Variants in ARHGAP28 observed in about 807,000 individuals in gnomAD.
ARHGAP28 encodes the protein rho GTPase-activating protein 28.
Under a neutral mutation model 90.7 loss-of-function variants are expected in ARHGAP28, and 56 were observed. The ratio of observed to expected loss-of-function variants is 0.62; its 90% CI spans 0.50 to 0.77. ARHGAP28 has a LOEUF of 0.77. Ranked by LOEUF, ARHGAP28 falls within the 30% of genes least tolerant of loss-of-function variation. The pLI is 0.00. For synonymous variants in ARHGAP28, 308 were observed against 323.3 expected (o/e 0.95, Z 0.51); for missense variants, 869 against 900.9 (o/e 0.96, Z 0.45).
rs767097228 is a variant in ARHGAP28, at chr18:6,889,891, C to T, written c.1540C>T (p.Leu514Phe). ...PDANRDAAQA[L>F]MTFFNKVIAN... ...ACACAATGCTGTTTCTTCTTAGGCC[C>T]TCATGACATTCTTCAATAAAGTGAT... Residue 514 changes from leucine to phenylalanine, a missense_variant, in exon 13 of 18, where the codon CTC becomes TTC. Transcript: ENST00000383472. 2.0e-5 allele frequency: 33 copies of T among 1,613,720 alleles called. No homozygotes were observed. The highest frequency in any genetic ancestry group is 2.7e-5 in the Non-Finnish European group (32 of 1,179,978).
chr18:6,909,388 G>T (rs1457203300), intron 17 of ARHGAP28, among the ~76,000 whole-genome samples: 1 of 151,338 alleles, frequency 6.6e-6, no homozygotes, highest in Non-Finnish European at 1.5e-5. Flanking sequence ...CGCCTCCCGG[G>T]TTCAAGTGAT....
chr18:6,769,688 C>G (rs1201397078), intron 1 of ARHGAP28, among the ~76,000 whole-genome samples: 2 of 152,186 alleles, frequency 1.3e-5, no homozygotes, highest in African/African-American at 4.8e-5. Flanking sequence ...ATTTCGTGCT[C>G]TACATTCCTG....
intron 14 of ARHGAP28, among the ~76,000 whole-genome samples, chr18:6,891,982 C>T (rs556601318): frequency 3.3e-5 from 5 of 152,220 alleles, no homozygotes; most frequent in East Asian, 1.9e-4. Context: ...GGCAGTGAGG[C>T]AGGAGGGAGT....
chr18:6,735,684 C>T (rs1169123083), intron 1 of ARHGAP28, among the ~76,000 whole-genome samples: 1 of 151,902 alleles, frequency 6.6e-6, no homozygotes, highest in South Asian at 2.1e-4. Context: ...CCTCCTGAGT[C>T]GCTGAGGCTA....
At chr18:6,908,145 A>ATTTTC (rs1345545848) in intron 16 of ARHGAP28, among the ~76,000 whole-genome samples, 1 of 151,446 alleles carries the variant, frequency 6.6e-6, no homozygotes, top group Non-Finnish European at 1.5e-5. Flanking sequence ...ATTTTATTTT[A>ATTTTC]TTTTATTTTC....
chr18:6,758,739 A>G (rs1473917756), intron 1 of ARHGAP28, among the ~76,000 whole-genome samples: 1 of 152,210 alleles, frequency 6.6e-6, no homozygotes, highest in East Asian at 1.9e-4. Context: ...AGGTAGACAG[A>G]CCTGAAAATA....
intron 1 of ARHGAP28, among the ~76,000 whole-genome samples, chr18:6,784,331 A>G (rs1175403235): frequency 1.3e-5 from 2 of 152,164 alleles, no homozygotes; most frequent in African/African-American, 2.4e-5. Flanking sequence ...CAAGTGATTT[A>G]TATCCACCTA....
intron 14 of ARHGAP28, among the ~76,000 whole-genome samples, chr18:6,890,837 C>A (rs1247569192): frequency 6.6e-6 from 1 of 152,184 alleles, no homozygotes; most frequent in Non-Finnish European, 1.5e-5. Context: ...TGAAAGTCAA[C>A]ATTTTAGTCC....
intron 2 of ARHGAP28, among the ~76,000 whole-genome samples, chr18:6,827,321 A>C (rs8084368): frequency 0.72 from 100,872 of 139,470 alleles, 36,147 homozygotes; most frequent in South Asian, 0.77. Flanking sequence ...GGGGGGCTGA[A>C]CCCTCCACCT....
chr18:6,766,570 A>T (rs1428333066), intron 1 of ARHGAP28, among the ~76,000 whole-genome samples: 1 of 152,106 alleles, frequency 6.6e-6, no homozygotes, highest in South Asian at 2.1e-4. Flanking sequence ...TACAGCGCCA[A>T]TGCCAGCTCC....
At chr18:6,865,933 A>G (rs942852323) in intron 5 of ARHGAP28, among the ~76,000 whole-genome samples, 1 of 152,184 alleles carries the variant, frequency 6.6e-6, no homozygotes, top group Non-Finnish European at 1.5e-5. Flanking sequence ...CGGTGGGCTC[A>G]GTTATGAACA....
chr18:6,837,467 G>T, intron 3 of ARHGAP28, 53 bp downstream of exon 3: 1 of 1,101,728 alleles, frequency 9.1e-7, no homozygotes, highest in South Asian at 1.3e-5. Context: ...ACTGGGGATG[G>T]GGTAGGGTGG....
At chr18:6,909,378 C>T (rs559635569) in intron 17 of ARHGAP28, among the ~76,000 whole-genome samples, 53 of 151,152 alleles carry the variant, frequency 3.5e-4, no homozygotes, top group African/African-American at 9.2e-4. Flanking sequence ...CTGCAACCTC[C>T]GCCTCCCGGG....
intron 16 of ARHGAP28, among the ~76,000 whole-genome samples, chr18:6,899,628 G>A (rs2057327780): frequency 6.6e-6 from 1 of 152,170 alleles, no homozygotes; most frequent in African/African-American, 2.4e-5. Flanking sequence ...CAACCAAGTG[G>A]GTGGTCTGAT....
chr18:6,876,020 C>A (rs1420743861), intron 9 of ARHGAP28, 111 bp from the exon 10 acceptor site: 3 of 874,110 alleles, frequency 3.4e-6, no homozygotes, highest in Non-Finnish European at 5.5e-6. Flanking sequence ...AAGTGCCAGG[C>A]AAATATATAT....
In ARHGAP28 at chr18:6,821,851, T is replaced by G. The variant is rs56362448; in HGVS notation, c.123-2911T>G. ...TAGACCCTTCGCATGAATAAGAAACTATGTACCATAATTGAAATATCATCA... is the reference window on the plus strand; with the variant it reads ...TAGACCCTTCGCATGAATAAGAAACGATGTACCATAATTGAAATATCATCA... On this transcript the variant is annotated intron_variant, in intron 1 of 17. Transcript: ENST00000383472. Among the ~76,000 whole-genome samples, 1,235 of 152,350 alleles carry G rather than the reference T, an allele frequency of 8.1e-3. 18 individuals are homozygous for G. Among genetic ancestry groups the G allele is most frequent in the African/African-American group, 0.029 (1,197 of 41,584 alleles).
At chr18:6,751,032 C>G (rs1451827479) in intron 1 of ARHGAP28, among the ~76,000 whole-genome samples, 1 of 152,122 alleles carries the variant, frequency 6.6e-6, no homozygotes, top group Non-Finnish European at 1.5e-5. Context: ...TACCCCTGCA[C>G]TGGACTGCAG....
intron 16 of ARHGAP28, chr18:6,898,348 C>G (rs1479988386): frequency 8.2e-6 from 5 of 612,932 alleles, no homozygotes; most frequent in African/African-American, 5.7e-5. Context: ...GAAAATTCAT[C>G]AAGTTGTATA....
intron 4 of ARHGAP28, 55 bp downstream of exon 4, chr18:6,851,181 A>G: frequency 6.5e-7 from 1 of 1,527,632 alleles, no homozygotes; most frequent in East Asian, 2.3e-5. Flanking sequence ...CATTTCTTCA[A>G]GATGGTTGAG....
Sources: allele counts gnomAD v4.1 joint callset (sites outside exome capture counted in the v4.1 genomes callset), GRCh38; gene constraint gnomAD v4.1.1; transcripts MANE v1.5; gene names NCBI Gene and HGNC (gene_info 2026-07-23, HGNC 2026-07-21).